Variants in TWF1 observed in about 807,000 individuals in gnomAD.
TWF1 encodes twinfilin-1.
In TWF1, 14 loss-of-function variants were observed where a neutral mutation model predicts 47.9. The observed-to-expected ratio is 0.29, with a 90% CI of 0.19 to 0.46. TWF1 has a LOEUF of 0.46. TWF1 is among the 20% of genes least tolerant of loss of function. The pLI is 1.00. For synonymous variants in TWF1, 96 were observed against 139.2 expected, an observed-to-expected ratio of 0.69 and a Z score of 2.18; for missense variants, 281 against 409.3, an observed-to-expected ratio of 0.69 and a Z score of 2.70.
rs898315744 is a variant in TWF1 at position 43,806,277 on chromosome 12, T to C, written c.-32A>G. ...GGCCGCTAGCTCCCGGCTCCGGCGCTGAGTGCAGCCAGCGGCCCCGGCCGG... is the reference window on the plus strand; with the variant it reads ...GGCCGCTAGCTCCCGGCTCCGGCGCCGAGTGCAGCCAGCGGCCCCGGCCGG... On this transcript the variant is annotated 5_prime_UTR_variant, in exon 1 of 9. Transcript: ENST00000395510. The C allele has an allele frequency of 1.1e-5, 16 of 1,511,368 alleles. No homozygotes were observed. The highest frequency in any genetic ancestry group is 1.4e-5 in the Non-Finnish European group (16 of 1,133,596). The allele number at this position is 1,511,368 out of a possible 1,614,324, so 93.6% of individuals were successfully genotyped here.
At chr12:43,802,566 C>T in intron 2 of TWF1, 102 bp from the exon 3 acceptor site, 4 of 837,004 alleles carry the variant, frequency 4.8e-6, no homozygotes, top group Non-Finnish European at 5.7e-6. Context: ...TTCCCAGTTA[C>T]TATTATTCAC....
chr12:43,804,463 G>A, intron 2 of TWF1, 32 bp downstream of exon 2: 1 of 1,378,720 alleles, frequency 7.3e-7, no homozygotes, highest in East Asian at 2.3e-5. Context: ...ACTAATCCAG[G>A]AACAGAAAAT....
chr12:43,803,642 T>C (rs1942703220), intron 2 of TWF1, among the ~76,000 whole-genome samples: 1 of 152,130 alleles, frequency 6.6e-6, no homozygotes, highest in South Asian at 2.1e-4. Context: ...TAGGAAGTGA[T>C]GGCATTAAAA....
rs1942513734 is a variant in TWF1 at position 43,794,376 on chromosome 12, A to G, written c.*1209T>C. 6.6e-6 allele frequency: 1 copy of G among 152,234 alleles called. No homozygotes were observed. The highest frequency in any genetic ancestry group is 2.1e-4 in the South Asian group (1 of 4,804). The allele number at this position is 152,234 out of a possible 1,614,324, so 9.4% of individuals were successfully genotyped here. ...TTCTGAAAGGTGCATATATTACCTT[A>G]GATAATAAGGTTTAGAAATGAGTGC... On this transcript the variant is annotated 3_prime_UTR_variant, in exon 9 of 9. Coordinates refer to ENST00000395510, the MANE Select transcript of TWF1 (RefSeq NM_002822.5).
intron 7 of TWF1, 63 bp downstream of exon 7, chr12:43,797,239 T>C: frequency 6.6e-7 from 1 of 1,506,050 alleles, no homozygotes; most frequent in Non-Finnish European, 9.0e-7. Flanking sequence ...TAAGTAAGAA[T>C]ATAGGGCTGA....
chr12:43,804,310 A>C, intron 2 of TWF1, 185 bp downstream of exon 2: 1 of 588,380 alleles, frequency 1.7e-6, no homozygotes, highest in Non-Finnish European at 3.1e-6. Flanking sequence ...TGATAGTCAC[A>C]TAATTCAGAA....
intron 7 of TWF1, 33 bp downstream of exon 7, chr12:43,797,269 A>G: frequency 6.5e-7 from 1 of 1,550,040 alleles, no homozygotes; most frequent in Non-Finnish European, 8.7e-7. Context: ...AAACAAACTG[A>G]AAGTAATGTG....
chr12:43,797,412 G>A lies in TWF1; in HGVS notation c.650C>T (p.Thr217Ile). 1 of 1,599,076 alleles carries A rather than the reference G, an allele frequency of 6.3e-7. No homozygotes were observed. Among genetic ancestry groups the A allele is most frequent in the Non-Finnish European group, 8.5e-7 (1 of 1,173,154 alleles). Residue 217 changes from threonine (T) to isoleucine (I), a missense_variant, in exon 7 of 9, where the codon ACA becomes ATA. Physicochemically the swap from Thr to Ile is moderately conservative, Grantham distance 89. Coordinates refer to ENST00000395510, the MANE Select transcript of TWF1 (RefSeq NM_002822.5). ...CAAATCTTTCAGTTCTGTATTTGTT[G>A]TGTTGGCCAAAATTATAATTTCATT... ...IKNEIIILAN[T>I]TNTELKDLPK...
At chr12:43,799,149 A>C (rs545814872) in intron 5 of TWF1, among the ~76,000 whole-genome samples, 2 of 152,216 alleles carry the variant, frequency 1.3e-5, no homozygotes, top group East Asian at 3.9e-4. Flanking sequence ...CTTCAAAAGG[A>C]AGATTTACTA....
intron 5 of TWF1, among the ~76,000 whole-genome samples, chr12:43,799,048 C>G (rs1025543460): frequency 2.6e-5 from 4 of 151,978 alleles, no homozygotes; most frequent in Admixed American, 2.6e-4. Flanking sequence ...CTGCTTCAGG[C>G]AACCTTATTA....
At position 43,796,971 on chromosome 12, in the gene TWF1, G is replaced by T. The variant is rs964829562; in HGVS notation, c.882+5C>A. The stretch of plus-strand genomic sequence containing the variant: ...AAACTGAAGATTTTAAAATAGGTGG[G>T]CTACCTTTCTAATTACATCCATTTG... On this transcript the variant is annotated splice_donor_5th_base_variant and intron_variant, in intron 8 of 8. Coordinates refer to ENST00000395510, the MANE Select transcript of TWF1 (RefSeq NM_002822.5). 1 of 1,607,226 alleles carries T rather than the reference G, an allele frequency of 6.2e-7. No homozygotes were observed. The highest frequency in any genetic ancestry group is 1.3e-5 in the African/African-American group (1 of 74,488).
intron 3 of TWF1, 76 bp downstream of exon 3, chr12:43,802,210 C>T (rs1027555823): frequency 3.1e-6 from 3 of 977,250 alleles, no homozygotes; most frequent in Non-Finnish European, 4.4e-6. Context: ...TGTTTTTTAA[C>T]CTTTATTTGA....
chr12:43,800,673 C>A, intron 3 of TWF1, 143 bp from the exon 4 acceptor site: 1 of 594,164 alleles, frequency 1.7e-6, no homozygotes, highest in East Asian at 2.9e-5. Context: ...TGCTAAAATA[C>A]GTGTGTACAA....
chr12:43,798,514 AT>A (rs1452252118), intron 5 of TWF1: 1 of 1,474,582 alleles, frequency 6.8e-7, no homozygotes, highest in Middle Eastern at 1.8e-4. Context: ...ATTCTACAGC[AT>A]AAATGATATT....
At chr12:43,804,249 CA>C in intron 2 of TWF1, 1 of 497,978 alleles carries the variant, frequency 2.0e-6, no homozygotes, top group Non-Finnish European at 3.8e-6. Flanking sequence ...AACTGAGACA[CA>C]AAAAGTAAAA....
chr12:43,794,372 C>T lies in TWF1; in HGVS notation c.*1213G>A, dbSNP rs1392364590. On this transcript the variant is annotated 3_prime_UTR_variant, in exon 9 of 9. Transcript: ENST00000395510. ...AAATTTCTGAAAGGTGCATATATTACCTTAGATAATAAGGTTTAGAAATGA... is the reference window on the plus strand; with the variant it reads ...AAATTTCTGAAAGGTGCATATATTATCTTAGATAATAAGGTTTAGAAATGA... 2 of 152,124 alleles carry T rather than the reference C, an allele frequency of 1.3e-5. No individual in the cohort carries two copies. The highest frequency in any genetic ancestry group is 4.9e-5 in the African/African-American group (2 of 41,210). 9.4% of individuals were successfully genotyped at this position (152,124 alleles called of 1,614,324 possible).
intron 6 of TWF1, 61 bp from the exon 7 acceptor site, chr12:43,797,513 A>G (rs764907468): frequency 7.0e-7 from 1 of 1,424,636 alleles, no homozygotes; most frequent in Non-Finnish European, 9.5e-7. Flanking sequence ...AAGTTAAAAC[A>G]TATAATAAAA....
chr12:43,799,263 A>C (rs1176595767), intron 5 of TWF1, 135 bp downstream of exon 5: 1 of 507,068 alleles, frequency 2.0e-6, no homozygotes, highest in East Asian at 3.2e-5. Flanking sequence ...ACATAGCCTT[A>C]TCTCTAAACT....
At chr12:43,795,951 A>T (rs1942542278) in intron 8 of TWF1, among the ~76,000 whole-genome samples, 196 bp from the exon 9 acceptor site, 1 of 152,158 alleles carries the variant, frequency 6.6e-6, no homozygotes, top group Non-Finnish European at 1.5e-5. Flanking sequence ...AGCTACATTC[A>T]CTTCCTTCTT....
Sources: gnomAD v4.1 joint callset for allele counts (sites outside exome capture counted in the v4.1 genomes callset) on GRCh38, gnomAD v4.1.1 for gene constraint, MANE v1.5 for transcripts, NCBI Gene and HGNC (gene_info 2026-07-23, HGNC 2026-07-21) for gene names.